The following CFAP92 variants were observed in gnomAD, a reference collection of about 807,000 sequenced individuals.
The protein encoded by CFAP92 is cilia and flagella associated protein 92 (putative).
CFAP92 carries 86 observed loss-of-function variants against 106.3 expected under a neutral mutation model. The observed-to-expected ratio is 0.81, with a 90% CI of 0.68 to 0.97. CFAP92 has a LOEUF of 0.97. Among genes scored for constraint, CFAP92 ranks in the 50% least tolerant of loss-of-function variants. The pLI is 0.00. For missense variants in CFAP92, 1,204 were observed against 1,283.8 expected (o/e 0.94, Z 0.95); for synonymous variants, 477 against 506.4 (o/e 0.94, Z 0.78).
chr3:128,975,795 G>C lies in CFAP92; in HGVS notation c.1005C>G (p.Asp335Glu). 6.2e-7 allele frequency: 1 copy of C among 1,600,610 alleles called. No individual in the cohort carries two copies. The highest frequency in any genetic ancestry group is 1.1e-5 in the South Asian group (1 of 88,690). Residue 335 changes from aspartate (D) to glutamate (E), a missense_variant, in exon 7 of 16, where the codon GAC (aspartate) becomes GAG (glutamate). Coordinates refer to ENST00000645291, the MANE Select transcript of CFAP92 (RefSeq NM_001394090.1). ...CTAACTTACTTTGAGACCTTTGTCT[G>C]TCTAATATGTTTGTTAAGCTGCTAA... ...ESLSSLTNIL[D>E]RQRSQIKGKD...
At chr3:129,023,681 G>A in the CFAP92 span, among the ~76,000 whole-genome samples, 18 of 152,196 alleles carry the variant, frequency 1.2e-4, no homozygotes, top group African/African-American at 3.9e-4. Flanking sequence ...GGCAAGAGAT[G>A]CTGGGTTTTC....
rs1158913647 is a variant in CFAP92 at position 128,993,047 on chromosome 3, A to T, written c.258T>A (p.Asn86Lys). 6.2e-7 allele frequency: 1 copy of T among 1,614,022 alleles called. No individual in the cohort carries two copies. Among genetic ancestry groups the T allele is most frequent in the Non-Finnish European group, 8.5e-7 (1 of 1,179,872 alleles). The change falls in exon 2 of 16, where the codon AAT (asparagine) becomes AAA (lysine). Residue 86 changes from asparagine to lysine, a missense_variant. Asn to Lys is a moderately conservative substitution (Grantham distance 94, BLOSUM62 0). Transcript: ENST00000645291. ...AACTTCTGCTCTAGCACCTACCCAT[A>T]TTCACAGGGAAGGCCAGTGAGATGG... is the stretch of plus-strand genomic sequence containing the variant. The part of the protein sequence containing the change: ...KFTISLAFPV[N>K]MGQKGKYASL...
At chr3:129,005,069 T>G (rs560311290), upstream of CFAP92, among the ~76,000 whole-genome samples, 1 of 152,372 alleles carries the variant, frequency 6.6e-6, no homozygotes, top group African/African-American at 2.4e-5. Context: ...CCCTGCCTGC[T>G]GGCCGGCCTG....
intron 15 of CFAP92, among the ~76,000 whole-genome samples, chr3:128,913,984 C>A (rs1456339404): frequency 2.0e-5 from 3 of 152,156 alleles, no homozygotes; most frequent in Non-Finnish European, 2.9e-5. Flanking sequence ...CTCAGTCTTA[C>A]ATGCCAATGG....
At chr3:128,917,098 G>A (rs537153126) in intron 12 of CFAP92, among the ~76,000 whole-genome samples, 5 of 152,194 alleles carry the variant, frequency 3.3e-5, no homozygotes, top group Non-Finnish European at 7.3e-5. Flanking sequence ...AGACTGTCCA[G>A]GCAACAAGGG....
chr3:129,015,650 C>T, the CFAP92 span, among the ~76,000 whole-genome samples: 3 of 152,090 alleles, frequency 2.0e-5, no homozygotes, highest in African/African-American at 7.2e-5. Flanking sequence ...CCACCGCCAT[C>T]CCCTGCTCAG....
chr3:128,927,141 A>C (rs1937748222), intron 12 of CFAP92, among the ~76,000 whole-genome samples: 1 of 152,106 alleles, frequency 6.6e-6, no homozygotes, highest in African/African-American at 2.4e-5. Context: ...ATTCACACAC[A>C]ACAAAGAGAT....
intron 12 of CFAP92, among the ~76,000 whole-genome samples, chr3:128,925,430 T>C (rs562736786): frequency 1.3e-5 from 2 of 152,318 alleles, no homozygotes; most frequent in South Asian, 4.1e-4. Context: ...CTCGAACTGC[T>C]ACTGTTCCAT....
chr3:128,994,788 C>G (rs1944417843), upstream of CFAP92, among the ~76,000 whole-genome samples: 1 of 152,180 alleles, frequency 6.6e-6, no homozygotes, highest in Non-Finnish European at 1.5e-5. Flanking sequence ...GCACAGCAAG[C>G]GGCTGGGACA....
chr3:128,960,469 C>A (rs1297168081), intron 9 of CFAP92, among the ~76,000 whole-genome samples: 2 of 152,226 alleles, frequency 1.3e-5, no homozygotes, highest in African/African-American at 4.8e-5. Context: ...TCCTTTCAAT[C>A]TTGGTGCCAC....
intron 9 of CFAP92, among the ~76,000 whole-genome samples, chr3:128,957,780 T>TG (rs1201035625): frequency 6.6e-6 from 1 of 152,216 alleles, no homozygotes; most frequent in Non-Finnish European, 1.5e-5. Flanking sequence ...GGTCACATGC[T>TG]GGATGTTTTC....
At chr3:128,944,874 C>T (rs749491718) in intron 10 of CFAP92, among the ~76,000 whole-genome samples, 197 bp downstream of exon 10, 18 of 152,150 alleles carry the variant, frequency 1.2e-4, no homozygotes, top group Non-Finnish European at 2.4e-4. Context: ...TAGATACTCC[C>T]GAATTCCTCC....
At chr3:128,963,542 G>GCCTC (rs1942120348) in intron 9 of CFAP92, among the ~76,000 whole-genome samples, 1 of 151,840 alleles carries the variant, frequency 6.6e-6, no homozygotes, top group East Asian at 1.9e-4. Context: ...CTTCAATCTG[G>GCCTC]CCTCCCACAT....
At chr3:129,015,326 C>A in the CFAP92 span, among the ~76,000 whole-genome samples, 2 of 152,178 alleles carry the variant, frequency 1.3e-5, no homozygotes, top group African/African-American at 4.8e-5. Flanking sequence ...GGCCCCACCT[C>A]CATCTACAGC....
rs547395773 is a variant in CFAP92, at chr3:128,951,399, G to T, written c.1354-5424C>A. ...GTTGAAATGGCCCACTGAATCCCCA[G>T]CTTCACGGGTAAAAATACACTTACA... On this transcript the variant is annotated intron_variant, in intron 9 of 15. Coordinates refer to ENST00000645291, the MANE Select transcript of CFAP92 (RefSeq NM_001394090.1). Among the ~76,000 whole-genome samples, 11 of 152,262 alleles carry T rather than the reference G, an allele frequency of 7.2e-5. No individual in the cohort carries two copies. In the East Asian group the frequency reaches 1.9e-3, roughly 27 times the overall value.
chr3:128,932,669 G>A, intron 12 of CFAP92, 31 bp downstream of exon 12: 2 of 1,515,158 alleles, frequency 1.3e-6, no homozygotes, highest in Non-Finnish European at 1.8e-6. Context: ...TGAGGCCTGG[G>A]AACCCCAAGT....
chr3:128,987,452 TCCTGTCAC>T (rs1410273794), intron 4 of CFAP92, among the ~76,000 whole-genome samples, 156 bp downstream of exon 4: 1 of 152,162 alleles, frequency 6.6e-6, no homozygotes, highest in Non-Finnish European at 1.5e-5. Flanking sequence ...ATGTGGCGCT[TCCTGTCAC>T]CACAGCATGG....
intron 8 of CFAP92, chr3:128,968,463 C>A (rs981983965): frequency 1.3e-5 from 2 of 152,186 alleles, no homozygotes; most frequent in African/African-American, 2.4e-5. Flanking sequence ...ACCAGACATA[C>A]AACTGGCCTG....
upstream of CFAP92, among the ~76,000 whole-genome samples, chr3:128,996,970 A>T (rs1167216299): frequency 6.6e-6 from 1 of 152,262 alleles, no homozygotes; most frequent in Non-Finnish European, 1.5e-5. Flanking sequence ...GCAAAGAAGA[A>T]GTTGCAAGGC....
Sources: gnomAD v4.1 joint callset for allele counts (sites outside exome capture counted in the v4.1 genomes callset) on GRCh38, gnomAD v4.1.1 for gene constraint, MANE v1.5 for transcripts, NCBI Gene and HGNC (gene_info 2026-07-23, HGNC 2026-07-21) for gene names.